SCAPER: variants seen among roughly 807,000 people sequenced by gnomAD.
SCAPER encodes the protein S phase cyclin A-associated protein in the endoplasmic reticulum.
In SCAPER, 98 loss-of-function variants were observed where a neutral mutation model predicts 182.2. That is an observed-to-expected ratio of 0.54 (90% CI 0.46 to 0.64). The LOEUF (loss-of-function observed/expected upper bound fraction) is 0.64, where lower values mean the gene tolerates loss of function less well. SCAPER is among the 30% of genes least tolerant of loss of function. The probability of loss-of-function intolerance (pLI) is 0.00; values close to 1 mark genes in which losing one functional copy is unlikely to be tolerated. For missense variants in SCAPER, 1,432 were observed against 1,690.0 expected (o/e 0.85, Z 2.68); for synonymous variants, 605 against 564.6 (o/e 1.07, Z -1.01).
intron 17 of SCAPER, 93 bp from the exon 18 acceptor site, chr15:76,706,077 T>C (rs1220163473): frequency 4.4e-6 from 4 of 913,816 alleles, no homozygotes; most frequent in South Asian, 3.6e-5. Context: ...TAGGGTCATA[T>C]AGTCTAAAGG....
intron 20 of SCAPER, among the ~76,000 whole-genome samples, chr15:76,667,625 CAAAAAAAAAAAAAAAAAAAAAAAAAAAAA>C (rs775463270): frequency 3.6e-5 from 1 of 27,454 alleles, no homozygotes; most frequent in Non-Finnish European, 6.5e-5. Flanking sequence ...GACTCAGTCT[CAAAAAAAAAAAAAAAAAAAAAAAAAAAAA>C]AAAAAAAACG....
At chr15:76,421,556 T>A (rs971671156) in intron 26 of SCAPER, among the ~76,000 whole-genome samples, 19 of 152,238 alleles carry the variant, frequency 1.2e-4, no homozygotes, top group African/African-American at 4.6e-4. Flanking sequence ...AAAAATTTTC[T>A]CCCATTCTGT....
chr15:76,376,112 C>T (rs1433140216), intron 29 of SCAPER, 50 bp downstream of exon 29: 9 of 1,602,694 alleles, frequency 5.6e-6, no homozygotes, highest in African/African-American at 2.7e-5. Context: ...CAATACCTCA[C>T]ACTCTCAGCA....
At chr15:76,645,483 A>T (rs571430584) in intron 21 of SCAPER, among the ~76,000 whole-genome samples, 1 of 151,888 alleles carries the variant, frequency 6.6e-6, no homozygotes, top group Non-Finnish European at 1.5e-5. Flanking sequence ...ATTCCATCTT[A>T]GCACAATACC....
chr15:76,806,570 A>T (rs2066174852), intron 5 of SCAPER, among the ~76,000 whole-genome samples: 1 of 152,182 alleles, frequency 6.6e-6, no homozygotes, highest in Non-Finnish European at 1.5e-5. Flanking sequence ...CATTTCTGCC[A>T]AAAAGGGGGA....
At chr15:76,811,714 G>GC (rs1361251227) in intron 5 of SCAPER, among the ~76,000 whole-genome samples, 2 of 152,076 alleles carry the variant, frequency 1.3e-5, no homozygotes, top group Non-Finnish European at 2.9e-5. Flanking sequence ...CTTGAACCCA[G>GC]GAGGTGGAGG....
Position 76,766,899 on chromosome 15 carries a change from A to G in SCAPER, c.1419+19T>C. The G allele has an allele frequency of 6.3e-7, 1 of 1,575,088 alleles. No individual in the cohort carries two copies. The highest frequency in any genetic ancestry group is 8.6e-7 in the Non-Finnish European group (1 of 1,167,820). On this transcript the variant is annotated intron_variant, in intron 11 of 31. Coordinates refer to ENST00000563290, the MANE Select transcript of SCAPER (RefSeq NM_020843.4). ...AATATAAATTTTGAATAGTTATGTT[A>G]AAAAGTCTAAAAGCTCACAGAAAAA...
intron 26 of SCAPER, among the ~76,000 whole-genome samples, chr15:76,431,704 A>AAAAAAAAAAAAAG (rs61401621): frequency 2.4e-5 from 3 of 127,512 alleles, no homozygotes; most frequent in Non-Finnish European, 3.5e-5. Flanking sequence ...AAAAAAAAAA[A>AAAAAAAAAAAAAG]TGCTTTGTTT....
At chr15:76,599,987 G>A (rs2049793430) in intron 22 of SCAPER, among the ~76,000 whole-genome samples, 1 of 121,296 alleles carries the variant, frequency 8.2e-6, no homozygotes, top group Admixed American at 9.5e-5. Flanking sequence ...AATACTGGAG[G>A]AGGAATATAC....
chr15:76,445,926 TTTC>T (rs1294242642), intron 25 of SCAPER, among the ~76,000 whole-genome samples: 1 of 152,178 alleles, frequency 6.6e-6, no homozygotes, highest in African/African-American at 2.4e-5. Context: ...TGCTTAACCC[TTTC>T]TTAAGACCTC....
intron 8 of SCAPER, among the ~76,000 whole-genome samples, chr15:76,783,917 C>G (rs1011581014): frequency 6.6e-6 from 1 of 152,182 alleles, no homozygotes; most frequent in African/African-American, 2.4e-5. Context: ...GACAAACACA[C>G]AGGCAATATC....
At chr15:76,548,410 C>A (rs1172004784) in intron 23 of SCAPER, among the ~76,000 whole-genome samples, 1 of 152,158 alleles carries the variant, frequency 6.6e-6, no homozygotes, top group Non-Finnish European at 1.5e-5. Flanking sequence ...TTAGGAATTA[C>A]TGTATTTTGT....
chr15:76,402,331 C>A (rs537676387), intron 27 of SCAPER, among the ~76,000 whole-genome samples: 144 of 152,294 alleles, frequency 9.5e-4, no homozygotes, highest in African/African-American at 3.3e-3. Flanking sequence ...TGCACTCTAG[C>A]AAATAGCTCC....
intron 23 of SCAPER, among the ~76,000 whole-genome samples, chr15:76,512,134 C>T (rs1019483465): frequency 1.8e-4 from 27 of 151,640 alleles, no homozygotes; most frequent in African/African-American, 6.5e-4. Flanking sequence ...GTGATCCACC[C>T]GCCTCGGCCT....
At chr15:76,763,289 C>T (rs2062906176) in intron 14 of SCAPER, among the ~76,000 whole-genome samples, 3 of 145,324 alleles carry the variant, frequency 2.1e-5, no homozygotes, top group Admixed American at 1.4e-4. Context: ...ATGTAACATC[C>T]CATTATCTCC....
intron 22 of SCAPER, among the ~76,000 whole-genome samples, chr15:76,609,183 T>C (rs891313396): frequency 6.6e-6 from 1 of 152,176 alleles, no homozygotes; most frequent in Non-Finnish European, 1.5e-5. Context: ...GCATTTCTTT[T>C]TTATTGTTTC....
Position 76,354,250 on chromosome 15 carries a change from GA to G in SCAPER, c.3856-111del. On this transcript the variant is annotated intron_variant, in intron 29 of 31. Coordinates refer to ENST00000563290, the MANE Select transcript of SCAPER (RefSeq NM_020843.4). The surrounding 1 kb of genome is among the most constrained non-coding windows in gnomAD (Gnocchi z 4.4). ...GGAAAACATGCTGAAGGAGTGTAAA[GA>G]AAAAGACTCCTGACTCCGTACCAGA... 6.6e-6 allele frequency: 6 copies of G among 916,014 alleles called. No homozygotes were observed. The highest frequency in any genetic ancestry group is 9.5e-6 in the Non-Finnish European group (6 of 633,500). 56.7% of individuals were successfully genotyped at this position (916,014 alleles called of 1,614,324 possible).
chr15:76,750,155 TG>T (rs1451221747), intron 15 of SCAPER, among the ~76,000 whole-genome samples: 2 of 150,776 alleles, frequency 1.3e-5, no homozygotes, highest in Non-Finnish European at 3.0e-5. Context: ...CAACTGGTGC[TG>T]GAACAGTACA....
intron 23 of SCAPER, among the ~76,000 whole-genome samples, chr15:76,571,419 C>A (rs1056607595): frequency 6.6e-6 from 1 of 152,030 alleles, no homozygotes; most frequent in South Asian, 2.1e-4. Context: ...TGAATGAAAT[C>A]AGAAAACCCA....
Sources: gnomAD v4.1 joint callset for allele counts (sites outside exome capture counted in the v4.1 genomes callset) on GRCh38, gnomAD v4.1.1 for gene constraint, Gnocchi (gnomAD v3.1) non-coding constraint, MANE v1.5 for transcripts, NCBI Gene and HGNC (gene_info 2026-07-23, HGNC 2026-07-21) for gene names.